KDM1B: variants seen among roughly 807,000 people sequenced by gnomAD.
The protein encoded by KDM1B is lysine-specific histone demethylase 2.
A neutral mutation model predicts 107.4 loss-of-function variants in KDM1B; 63 were observed. That is an observed-to-expected ratio of 0.59 (90% CI 0.48 to 0.72). The LOEUF (loss-of-function observed/expected upper bound fraction) is 0.72. Among genes scored for constraint, KDM1B ranks in the 30% least tolerant of loss-of-function variants. The pLI is 0.00. For missense variants in KDM1B, 749 were observed against 1,020.8 expected, an observed-to-expected ratio of 0.73 and a Z score of 3.63; for synonymous variants, 363 against 363.9, an observed-to-expected ratio of 1.00 and a Z score of 0.03.
chr6:18,181,133 T>C (rs1786440573), intron 7 of KDM1B, among the ~76,000 whole-genome samples: 1 of 152,176 alleles, frequency 6.6e-6, no homozygotes, highest in Admixed American at 6.5e-5. Flanking sequence ...TATTGAAAAA[T>C]TCCAGCAATA....
chr6:18,174,428 C>G (rs1785858289), intron 7 of KDM1B, among the ~76,000 whole-genome samples: 1 of 151,992 alleles, frequency 6.6e-6, no homozygotes, highest in African/African-American at 2.4e-5. Context: ...TAAATGATGG[C>G]TCATGGGCCA....
At chr6:18,217,629 A>T (rs529700273) in intron 20 of KDM1B, 104 bp from the exon 21 acceptor site, 15 of 856,680 alleles carry the variant, frequency 1.8e-5, no homozygotes, top group Non-Finnish European at 2.6e-5. Flanking sequence ...CACCCGCCTT[A>T]GCCTCCCAAA....
intron 20 of KDM1B, among the ~76,000 whole-genome samples, chr6:18,215,575 A>G (rs567121158): frequency 1.8e-4 from 27 of 152,188 alleles, no homozygotes; most frequent in African/African-American, 6.5e-4. Context: ...GTAATTACCC[A>G]TTGGAGACCA....
At chr6:18,178,829 A>G (rs779287853) in intron 7 of KDM1B, among the ~76,000 whole-genome samples, 11 of 152,208 alleles carry the variant, frequency 7.2e-5, no homozygotes, top group Non-Finnish European at 1.5e-4. Flanking sequence ...TTTTTCATAG[A>G]TTCCTTTGGG....
Position 18,222,907 on chromosome 6 carries a change from T to C in KDM1B, c.*915T>C, listed in dbSNP as rs1156999834. ...TATTTTTGCAGATTTTTCTTTACAG[T>C]ATTCCATAGGCAGGTCCACTGGAAA... On this transcript the variant is annotated 3_prime_UTR_variant, in exon 22 of 22. Coordinates refer to ENST00000650836, the MANE Select transcript of KDM1B (RefSeq NM_001364614.2). 1 of 152,666 alleles carries C rather than the reference T, an allele frequency of 6.6e-6. No individual in the cohort carries two copies. The highest frequency in any genetic ancestry group is 1.5e-5 in the Non-Finnish European group (1 of 68,050). 9.5% of individuals were successfully genotyped at this position (152,666 alleles called of 1,614,324 possible). A position where few individuals can be genotyped will look rare whatever the true frequency, so the allele number is the denominator to read the frequency against.
In KDM1B at chr6:18,212,326, C is replaced by A; in HGVS notation, c.1867-162C>A. The A allele has an allele frequency of 1.5e-6, 1 of 665,368 alleles. No individual in the cohort carries two copies. The highest frequency in any genetic ancestry group is 2.7e-6 in the Non-Finnish European group (1 of 368,838). The allele number at this position is 665,368 out of a possible 1,614,324, so 41.2% of individuals were successfully genotyped here. A position where few individuals can be genotyped will look rare whatever the true frequency, so the allele number is the denominator to read the frequency against. On this transcript the variant is annotated intron_variant, in intron 17 of 21. Coordinates refer to ENST00000650836, the MANE Select transcript of KDM1B (RefSeq NM_001364614.2). The surrounding 1 kb of genome is among the most constrained non-coding windows in gnomAD (Gnocchi z 5.2). ...CTCTTCCCTGTGGTTGCCACTTCTG[C>A]TTAGCCAGGCATTGGCACCCTTGTG...
intron 7 of KDM1B, among the ~76,000 whole-genome samples, chr6:18,174,746 A>G (rs147602611): frequency 2.0e-3 from 304 of 152,328 alleles, no homozygotes; most frequent in Non-Finnish European, 3.7e-3. Context: ...TTCACTTAGA[A>G]TAATAGTCTC....
At chr6:18,199,028 A>G (rs200973329) in intron 12 of KDM1B, among the ~76,000 whole-genome samples, 124 of 138,750 alleles carry the variant, frequency 8.9e-4, no homozygotes, top group Middle Eastern at 3.6e-3. Flanking sequence ...AAAAAAAAAA[A>G]AAAAAGAAAA....
intron 15 of KDM1B, among the ~76,000 whole-genome samples, chr6:18,206,607 T>C (rs191864498): frequency 2.6e-5 from 4 of 152,282 alleles, no homozygotes; most frequent in Admixed American, 2.6e-4. Context: ...TTATTTTTTG[T>C]AGAGATGGGG....
chr6:18,182,368 G>C (rs982863431), intron 7 of KDM1B, among the ~76,000 whole-genome samples: 2 of 151,964 alleles, frequency 1.3e-5, no homozygotes, highest in African/African-American at 4.8e-5. Flanking sequence ...GGTTTTCAGC[G>C]TGGTATGCTG....
In KDM1B at chr6:18,200,153, C is replaced by A. The variant is rs753066832; in HGVS notation, c.1222-286C>A. 1.3e-5 allele frequency among the ~76,000 whole-genome samples: 2 copies of A among 152,202 alleles called. No individual in the cohort carries two copies. The highest frequency in any genetic ancestry group is 2.9e-5 in the Non-Finnish European group (2 of 68,036). ...CCTCCCAAAGTGCTGGTATTACAGG[C>A]ATGAGCTATCGCATCTGGCCTAGTT... On this transcript the variant is annotated intron_variant, in intron 12 of 21. Transcript: ENST00000650836. The surrounding 1 kb of genome is among the most constrained non-coding windows in gnomAD (Gnocchi z 4.3).
intron 6 of KDM1B, among the ~76,000 whole-genome samples, chr6:18,168,615 G>A (rs1271908198): frequency 6.6e-6 from 1 of 152,086 alleles, no homozygotes; most frequent in Non-Finnish European, 1.5e-5. Context: ...CAATTCTTGG[G>A]TATGTACCTA....
At chr6:18,220,776 CT>C (rs777242091) in intron 21 of KDM1B, among the ~76,000 whole-genome samples, 239 of 142,318 alleles carry the variant, frequency 1.7e-3, no homozygotes, top group African/African-American at 2.0e-3. Flanking sequence ...TCACCTTTTC[CT>C]TTTTTTTTTT....
At chr6:18,180,908 A>T (rs779896961) in intron 7 of KDM1B, among the ~76,000 whole-genome samples, 2 of 152,178 alleles carry the variant, frequency 1.3e-5, no homozygotes, top group African/African-American at 4.8e-5. Flanking sequence ...GCTTTGACTA[A>T]ACTGTAATTG....
At chr6:18,178,858 T>C (rs1012559332) in intron 7 of KDM1B, among the ~76,000 whole-genome samples, 2 of 152,238 alleles carry the variant, frequency 1.3e-5, no homozygotes, top group Non-Finnish European at 2.9e-5. Context: ...AAATCAGTCA[T>C]ACAAATAATC....
chr6:18,190,830 A>G (rs1209117062), intron 9 of KDM1B, among the ~76,000 whole-genome samples: 1 of 151,616 alleles, frequency 6.6e-6, no homozygotes, highest in Non-Finnish European at 1.5e-5. Flanking sequence ...GACCCAGGAG[A>G]TGGAGGTCGC....
chr6:18,182,645 T>C (rs868014231), intron 7 of KDM1B, among the ~76,000 whole-genome samples: 1 of 152,192 alleles, frequency 6.6e-6, no homozygotes, highest in African/African-American at 2.4e-5. Flanking sequence ...TTCAAGTGAT[T>C]CTCACCTGAC....
rs1785279717 is a variant in KDM1B at position 18,166,142 on chromosome 6, C to T, written c.306-125C>T. ...ATGGGTGCCATAATAACTTTCTCTA[C>T]TTTTATAACAAGGCTAGTTATGTTT... On this transcript the variant is annotated intron_variant, in intron 5 of 21. Coordinates refer to ENST00000650836, the MANE Select transcript of KDM1B (RefSeq NM_001364614.2). 8 of 581,744 alleles carry T rather than the reference C, an allele frequency of 1.4e-5. No individual in the cohort carries two copies. The East Asian group carries it at 2.2e-4, about 16-fold the overall frequency. The allele number at this position is 581,744 out of a possible 1,614,324, so 36.0% of individuals were successfully genotyped here.
chr6:18,216,910 A>G (rs1789277489), intron 20 of KDM1B, among the ~76,000 whole-genome samples: 1 of 152,222 alleles, frequency 6.6e-6, no homozygotes, highest in Non-Finnish European at 1.5e-5. Flanking sequence ...GGTTTCAGGC[A>G]TCCCCTGCGG....
Sources: gnomAD v4.1 joint callset for allele counts (sites outside exome capture counted in the v4.1 genomes callset) on GRCh38, gnomAD v4.1.1 for gene constraint, Gnocchi (gnomAD v3.1) non-coding constraint, MANE v1.5 for transcripts, NCBI Gene and HGNC (gene_info 2026-07-23, HGNC 2026-07-21) for gene names.